Variants in PPP2R5E observed in about 807,000 individuals in gnomAD.
PPP2R5E encodes the protein protein phosphatase 2 regulatory subunit B'epsilon, also known as serine/threonine-protein phosphatase 2A 56 kDa regulatory subunit epsilon isoform.
PPP2R5E carries 4 observed loss-of-function variants against 65.3 expected under a neutral mutation model. That is an observed-to-expected ratio of 0.06 (90% confidence interval 0.03 to 0.14). The LOEUF is 0.14. PPP2R5E is among the 10% of genes least tolerant of loss of function. The pLI is 1.00. For missense variants in PPP2R5E, 274 were observed against 556.1 expected (o/e 0.49, Z 5.10); for synonymous variants, 183 against 187.4 (o/e 0.98, Z 0.19).
chr14:63,460,011 T>A (rs1336102235), intron 2 of PPP2R5E, among the ~76,000 whole-genome samples: 2 of 152,190 alleles, frequency 1.3e-5, no homozygotes, highest in East Asian at 3.8e-4. Flanking sequence ...CTTTGCTGAT[T>A]ATTAGCATAC....
intron 5 of PPP2R5E, among the ~76,000 whole-genome samples, chr14:63,409,456 T>C (rs1309211400): frequency 6.6e-6 from 1 of 152,116 alleles, no homozygotes; most frequent in Admixed American, 6.5e-5. Context: ...AAATAATACA[T>C]TCTATCAATG....
chr14:63,439,667 C>T (rs1461676011), intron 3 of PPP2R5E, among the ~76,000 whole-genome samples: 2 of 152,240 alleles, frequency 1.3e-5, no homozygotes, highest in Non-Finnish European at 2.9e-5. Flanking sequence ...AGCCACCGCG[C>T]CCAGCCGGGT....
intron 2 of PPP2R5E, among the ~76,000 whole-genome samples, chr14:63,466,368 G>A (rs1889802717): frequency 6.6e-6 from 1 of 151,714 alleles, no homozygotes; most frequent in African/African-American, 2.4e-5. Context: ...TAAAGTATGA[G>A]AGCTTAAGCT....
Position 63,398,877 on chromosome 14 carries a change from T to A in PPP2R5E, c.550-2161A>T, listed in dbSNP as rs147049810. 2.0e-4 allele frequency among the ~76,000 whole-genome samples: 30 copies of A among 152,330 alleles called. 1 individual carries two copies. The East Asian group carries it at 4.8e-3, about 24-fold the overall frequency. ...GAAAAAGAGGGATAATAAAAAGTGTTGGCGAGGATATGGAGAAACTGGAAC... is the reference window on the plus strand; with the variant it reads ...GAAAAAGAGGGATAATAAAAAGTGTAGGCGAGGATATGGAGAAACTGGAAC... On this transcript the variant is annotated intron_variant, in intron 5 of 13. Transcript: ENST00000337537.
In PPP2R5E at chr14:63,372,163, A is replaced by G. The variant is rs1883724043; in HGVS notation, c.*3846T>C. The G allele has an allele frequency of 6.6e-6, 1 of 152,120 alleles. No individual in the cohort carries two copies. Among genetic ancestry groups the G allele is most frequent in the African/African-American group, 2.4e-5 (1 of 41,436 alleles). The allele number at this position is 152,120 out of a possible 1,614,324, so 9.4% of individuals were successfully genotyped here. A position where few individuals can be genotyped will look rare whatever the true frequency, so the allele number is the denominator to read the frequency against. ...AACCTATATTCATAGACATCATAAT[A>G]TGGGATGTTTATTTCCAAGAGAGAT... On this transcript the variant is annotated 3_prime_UTR_variant, in exon 14 of 14. Coordinates refer to ENST00000337537, the MANE Select transcript of PPP2R5E (RefSeq NM_006246.5).
At chr14:63,415,623 T>C (rs1886645716) in intron 4 of PPP2R5E, among the ~76,000 whole-genome samples, 1 of 152,186 alleles carries the variant, frequency 6.6e-6, no homozygotes, top group African/African-American at 2.4e-5. Context: ...ACCATATAAA[T>C]ATATTTTTAC....
chr14:63,394,857 C>G (rs1355137802), intron 7 of PPP2R5E, among the ~76,000 whole-genome samples: 1 of 152,196 alleles, frequency 6.6e-6, no homozygotes, highest in Non-Finnish European at 1.5e-5. Context: ...AAATGGCAAT[C>G]TTTCCAATTT....
intron 4 of PPP2R5E, among the ~76,000 whole-genome samples, 200 bp downstream of exon 4, chr14:63,421,793 T>G (rs1001595649): frequency 2.6e-5 from 4 of 152,180 alleles, no homozygotes; most frequent in African/African-American, 9.7e-5. Flanking sequence ...TGGGGGACAC[T>G]AAAGCATCAC....
chr14:63,393,668 T>C (rs1044297620), intron 8 of PPP2R5E, 152 bp downstream of exon 8: 2 of 549,412 alleles, frequency 3.6e-6, no homozygotes. Context: ...GCCAAGACTG[T>C]CCCACTGCAC....
At chr14:63,504,885 T>G (rs1334992040) in intron 2 of PPP2R5E, among the ~76,000 whole-genome samples, 5 of 152,188 alleles carry the variant, frequency 3.3e-5, no homozygotes, top group African/African-American at 4.8e-5. Context: ...GTTTGCTGAA[T>G]GAATGAATGA....
At position 63,477,873 on chromosome 14, in the gene PPP2R5E, A is replaced by T. The variant is rs571526359; in HGVS notation, c.158-23988T>A. Among the ~76,000 whole-genome samples, 725 of 151,528 alleles carry T rather than the reference A, an allele frequency of 4.8e-3. 3 individuals are homozygous for T. The highest frequency in any genetic ancestry group is 6.7e-3 in the Non-Finnish European group (455 of 67,798). ...AAAAAAATTTAAATATATATATATA[A>T]AATTTTTAAATGTATACTGAAACTA... On this transcript the variant is annotated intron_variant, in intron 2 of 13. Coordinates refer to ENST00000337537, the MANE Select transcript of PPP2R5E (RefSeq NM_006246.5).
intron 2 of PPP2R5E, among the ~76,000 whole-genome samples, chr14:63,475,486 A>T (rs555680085): frequency 6.6e-6 from 1 of 152,274 alleles, no homozygotes; most frequent in Non-Finnish European, 1.5e-5. Context: ...TGAAAGTCTA[A>T]GGAAGCTTAT....
At position 63,506,217 on chromosome 14, in the gene PPP2R5E, G is replaced by A. The variant is rs188659586; in HGVS notation, c.157+33312C>T. Among the ~76,000 whole-genome samples the A allele has an allele frequency of 1.9e-4, 29 of 152,276 alleles. No individual in the cohort carries two copies. In the East Asian group the frequency reaches 4.4e-3, roughly 23 times the overall value. On this transcript the variant is annotated intron_variant, in intron 2 of 13. Coordinates refer to ENST00000337537, the MANE Select transcript of PPP2R5E (RefSeq NM_006246.5). ...TGTAATCCTAGCACTTTGGGAGGCC[G>A]CGGCGGGTGGATCACAAGGTCAGGA...
rs935189955 is a variant in PPP2R5E at position 63,497,731 on chromosome 14, G to A, written c.157+41798C>T. Reference sequence around the variant, plus strand: ...CCAGTGTGCTCCAGCCTGGGCGACAGAGGGAGACTCCATCTCAAAAAAACA... The same window carrying A: ...CCAGTGTGCTCCAGCCTGGGCGACAAAGGGAGACTCCATCTCAAAAAAACA... On this transcript the variant is annotated intron_variant, in intron 2 of 13. Transcript: ENST00000337537. Among the ~76,000 whole-genome samples the A allele has an allele frequency of 5.3e-5, 8 of 151,350 alleles. No homozygotes were observed. The East Asian group carries it at 1.5e-3, about 29-fold the overall frequency.
At chr14:63,504,563 C>T (rs554384090) in intron 2 of PPP2R5E, among the ~76,000 whole-genome samples, 14 of 152,236 alleles carry the variant, frequency 9.2e-5, no homozygotes, top group African/African-American at 3.4e-4. Flanking sequence ...GCCTCGGCGA[C>T]AGAGTGAGAC....
chr14:63,486,964 C>T (rs892429885), intron 2 of PPP2R5E, among the ~76,000 whole-genome samples: 1 of 152,114 alleles, frequency 6.6e-6, no homozygotes, highest in Non-Finnish European at 1.5e-5. Flanking sequence ...TCATATCTGC[C>T]CTCTTGAATT....
intron 13 of PPP2R5E, among the ~76,000 whole-genome samples, chr14:63,379,795 T>A (rs1457027518): frequency 6.7e-6 from 1 of 149,914 alleles, no homozygotes; most frequent in African/African-American, 2.5e-5. Flanking sequence ...ATAATTTGAG[T>A]GGAAATAAGT....
intron 3 of PPP2R5E, among the ~76,000 whole-genome samples, chr14:63,434,430 C>T (rs1364022176): frequency 6.6e-6 from 1 of 152,112 alleles, no homozygotes; most frequent in African/African-American, 2.4e-5. Context: ...CAAATGAACG[C>T]CTCCAAGTCA....
intron 3 of PPP2R5E, among the ~76,000 whole-genome samples, chr14:63,443,758 ACAG>A (rs1235237698): frequency 6.6e-6 from 1 of 152,018 alleles, no homozygotes; most frequent in Non-Finnish European, 1.5e-5. Flanking sequence ...CTACTCCCCA[ACAG>A]CAGCACCACA....
Sources: gnomAD v4.1 joint callset for allele counts (sites outside exome capture counted in the v4.1 genomes callset) on GRCh38, gnomAD v4.1.1 for gene constraint, MANE v1.5 for transcripts, NCBI Gene and HGNC (gene_info 2026-07-23, HGNC 2026-07-21) for gene names.